The following OTOG variants were observed in gnomAD, a reference collection of about 807,000 sequenced individuals.
The protein encoded by OTOG is otogelin.
Under a neutral mutation model 313.8 loss-of-function variants are expected in OTOG, and 296 were observed. The observed-to-expected ratio is 0.94, with a 90% CI of 0.86 to 1.04. The LOEUF (loss-of-function observed/expected upper bound fraction) is 1.04, where lower values mean the gene tolerates loss of function less well. Among genes scored for constraint, OTOG ranks in the 50% least tolerant of loss-of-function variants. OTOG has a pLI of 0.00. For synonymous variants in OTOG, 1,533 were observed against 1,554.9 expected, an observed-to-expected ratio of 0.99 and a Z score of 0.33; for missense variants, 3,948 against 3,840.1, an observed-to-expected ratio of 1.03 and a Z score of -0.74.
At chr11:17,583,566 T>A (rs1404151486) in intron 23 of OTOG, among the ~76,000 whole-genome samples, 1 of 152,176 alleles carries the variant, frequency 6.6e-6, no homozygotes. Context: ...CCCTATTTTT[T>A]AAAAAACACT....
rs556435345 is a variant in OTOG, at chr11:17,595,394, T to A, written c.3409-644T>A. Among the ~76,000 whole-genome samples, 631 of 152,342 alleles carry A rather than the reference T, an allele frequency of 4.1e-3. 5 individuals carry two copies. Among genetic ancestry groups the A allele is most frequent in the African/African-American group, 0.014 (599 of 41,576 alleles). The stretch of plus-strand genomic sequence containing the variant: ...CAGACATCGGAAACATCTGTATTAG[T>A]TATCTACTGCTATATAAAAATTTTA... On this transcript the variant is annotated intron_variant, in intron 28 of 55. Coordinates refer to ENST00000399397, the MANE Select transcript of OTOG (RefSeq NM_001292063.2).
intron 23 of OTOG, among the ~76,000 whole-genome samples, chr11:17,580,630 C>T (rs1852644393): frequency 6.6e-6 from 1 of 152,206 alleles, no homozygotes; most frequent in Non-Finnish European, 1.5e-5. Flanking sequence ...ACAGAGAAGA[C>T]CCCTCAAGAA....
Position 17,609,152 on chromosome 11 carries a change from T to G in OTOG, c.4297T>G (p.Cys1433Gly), listed in dbSNP as rs1853462363. Residue 1433 changes from cysteine to glycine, a missense_variant, in exon 35 of 56, where the codon TGC (cysteine) becomes GGC (glycine). Coordinates refer to ENST00000399397, the MANE Select transcript of OTOG (RefSeq NM_001292063.2). The stretch of plus-strand genomic sequence containing the variant: ...CAGGGTAGAAGGCTGTGTCCCTGTG[T>G]GCCCCACCCCCCAGGTCCTGGATGA... ...VPRVEGCVPV[C>G]PTPQVLDEVT... 1.3e-6 allele frequency: 2 copies of G among 1,550,564 alleles called. No individual in the cohort carries two copies. Among genetic ancestry groups the G allele is most frequent in the Non-Finnish European group, 1.7e-6 (2 of 1,146,930 alleles).
At chr11:17,612,506 C>A (rs1853586223) in intron 37 of OTOG, 114 bp from the exon 38 acceptor site, 2 of 1,416,204 alleles carry the variant, frequency 1.4e-6, no homozygotes, top group African/African-American at 1.4e-5. Flanking sequence ...ACCCTCCAGA[C>A]CCCAGGCCTC....
intron 39 of OTOG, among the ~76,000 whole-genome samples, chr11:17,621,402 T>G (rs1853860972): frequency 6.6e-6 from 1 of 152,080 alleles, no homozygotes; most frequent in Non-Finnish European, 1.5e-5. Flanking sequence ...TACCCTATAC[T>G]CTACATATTA....
chr11:17,569,806 A>T (rs1026652187), intron 16 of OTOG, among the ~76,000 whole-genome samples: 1 of 152,238 alleles, frequency 6.6e-6, no homozygotes, highest in Admixed American at 6.5e-5. Context: ...CTAAAATTTA[A>T]ATTTGTTACA....
At chr11:17,569,310 A>AG in intron 16 of OTOG, 22 bp downstream of exon 16, 1 of 1,550,340 alleles carries the variant, frequency 6.5e-7, no homozygotes, top group African/African-American at 1.4e-5. Context: ...GGTGGACAAC[A>AG]GACCTAGTTG....
intron 39 of OTOG, 117 bp downstream of exon 39, chr11:17,613,818 G>A (rs1346195036): frequency 1.3e-5 from 10 of 789,630 alleles, no homozygotes; most frequent in South Asian, 4.9e-5. Context: ...GGTGGGGAGG[G>A]GACCTTTTTT....
At position 17,588,412 on chromosome 11, in the gene OTOG, C is replaced by T. The variant is rs1388980932; in HGVS notation, c.2867+1831C>T. On this transcript the variant is annotated intron_variant, in intron 24 of 55. Coordinates refer to ENST00000399397, the MANE Select transcript of OTOG (RefSeq NM_001292063.2). ...CCCATCCCTTCCCAGCTCTGTGTTC[C>T]GTGTCACCATGGTCGGCAGCATGGT... Among the ~76,000 whole-genome samples the T allele has an allele frequency of 3.9e-5, 6 of 152,134 alleles. No homozygotes were observed. The South Asian group carries it at 6.2e-4, about 16-fold the overall frequency.
chr11:17,645,063 C>G (rs1231394270), intron 54 of OTOG, among the ~76,000 whole-genome samples: 2 of 152,204 alleles, frequency 1.3e-5, no homozygotes, highest in South Asian at 2.1e-4. Context: ...ATCCCTGGTC[C>G]AGTTTGATAG....
At chr11:17,548,285 G>C in intron 3 of OTOG, 73 bp downstream of exon 3, 1 of 1,356,868 alleles carries the variant, frequency 7.4e-7, no homozygotes, top group Non-Finnish European at 1.0e-6. Flanking sequence ...CTGGCAGGGA[G>C]CTCTGTAGGT....
Position 17,570,307 on chromosome 11 carries a change from G to C in OTOG, c.1872G>C (p.Leu624=). 1.9e-6 allele frequency: 3 copies of C among 1,550,764 alleles called. No individual in the cohort carries two copies. The African/African-American group carries it at 4.1e-5, about 21-fold the overall frequency. The change falls in exon 17 of 56, where the codon CTG becomes CTC. Residue 624 remains leucine (L), a synonymous_variant. Transcript: ENST00000399397. ...TCTACGACCGTGAAGGGCTCCGACT[G>C]TACCTGCAAGTGGACCAGCGATGGG... ...RVLYDREGLR[L]YLQVDQRWVE... is the part of the protein sequence containing the mutation.
intron 34 of OTOG, among the ~76,000 whole-genome samples, chr11:17,608,671 G>A (rs938577430): frequency 2.0e-5 from 3 of 152,210 alleles, no homozygotes; most frequent in South Asian, 2.1e-4. Context: ...ACAGCTGCAT[G>A]TATGCAGGTG....
At chr11:17,621,417 G>A (rs1853861307) in intron 39 of OTOG, among the ~76,000 whole-genome samples, 1 of 152,072 alleles carries the variant, frequency 6.6e-6, no homozygotes, top group African/African-American at 2.4e-5. Flanking sequence ...ATATTAGGAG[G>A]TTTTTCTACT....
chr11:17,553,515 T>C lies in OTOG; in HGVS notation c.536T>C (p.Ile179Thr). The change falls in exon 6 of 56, where the codon ATC (isoleucine) becomes ACC (threonine). Residue 179 changes from isoleucine (I) to threonine (T), a missense_variant. Transcript: ENST00000399397. Reference sequence around the variant, plus strand: ...GAGCCCGAGGGACAGAGCTTCTCCATCCAGGTGAGGCCTCCCCTGCCTTGC... The same window carrying C: ...GAGCCCGAGGGACAGAGCTTCTCCACCCAGGTGAGGCCTCCCCTGCCTTGC... ...RHEPEGQSFSIQVHNDPQCGS... is the reference protein window; with the variant it reads ...RHEPEGQSFSTQVHNDPQCGS... 2 of 1,434,118 alleles carry C rather than the reference T, an allele frequency of 1.4e-6. No homozygotes were observed. The highest frequency in any genetic ancestry group is 3.0e-5 in the Admixed American group (1 of 32,994). The allele number at this position is 1,434,118 out of a possible 1,614,324, so 88.8% of individuals were successfully genotyped here.
At chr11:17,622,119 G>A (rs142160353) in intron 39 of OTOG, among the ~76,000 whole-genome samples, 75 of 152,256 alleles carry the variant, frequency 4.9e-4, no homozygotes, top group African/African-American at 1.7e-3. Flanking sequence ...AGAGCCAGGG[G>A]CTTTCCTAGG....
chr11:17,640,570 C>T (rs1847947128), intron 49 of OTOG, among the ~76,000 whole-genome samples, 175 bp from the exon 50 acceptor site: 1 of 152,212 alleles, frequency 6.6e-6, no homozygotes, highest in South Asian at 2.1e-4. Context: ...TTGGGGAGGC[C>T]TGGTAGCCAC....
At chr11:17,551,965 C>T in intron 3 of OTOG, 35 bp from the exon 4 acceptor site, 1 of 1,541,784 alleles carries the variant, frequency 6.5e-7, no homozygotes, top group East Asian at 2.4e-5. Context: ...CTGAGGTCAG[C>T]CCTCGATGTG....
chr11:17,641,562 A>G (rs1847971651), intron 51 of OTOG, among the ~76,000 whole-genome samples: 1 of 152,234 alleles, frequency 6.6e-6, no homozygotes, highest in African/African-American at 2.4e-5. Context: ...CAAAAGTCCT[A>G]CAGGAACTAA....
Sources: gnomAD v4.1 joint callset for allele counts (sites outside exome capture counted in the v4.1 genomes callset) on GRCh38, gnomAD v4.1.1 for gene constraint, MANE v1.5 for transcripts, NCBI Gene and HGNC (gene_info 2026-07-23, HGNC 2026-07-21) for gene names.